STARD13: variants seen among roughly 807,000 people sequenced by gnomAD.
STARD13 encodes the protein stAR-related lipid transfer protein 13.
A neutral mutation model predicts 106.4 loss-of-function variants in STARD13; 62 were observed. That is an observed-to-expected ratio of 0.58 (90% CI 0.48 to 0.72). The LOEUF (loss-of-function observed/expected upper bound fraction) is 0.72. STARD13 is among the 30% of genes least tolerant of loss of function. The probability of loss-of-function intolerance (pLI) is 0.00; values close to 1 mark genes in which losing one functional copy is unlikely to be tolerated. For missense variants in STARD13, 1,387 were observed against 1,424.0 expected (o/e 0.97, Z 0.42); for synonymous variants, 565 against 553.0 (o/e 1.02, Z -0.31).
chr13:33,328,151 A>C (rs116797736), intron 1 of STARD13, among the ~76,000 whole-genome samples: 56 of 152,342 alleles, frequency 3.7e-4, no homozygotes, highest in African/African-American at 1.3e-3. Flanking sequence ...CAATGATAAC[A>C]ATTTCCATCT....
chr13:33,457,044 CAG>C, the STARD13 span, among the ~76,000 whole-genome samples: 2 of 152,212 alleles, frequency 1.3e-5, no homozygotes, highest in African/African-American at 4.8e-5. Context: ...GATTTGGTGA[CAG>C]AGTGTTTGTG....
chr13:33,147,003 G>A (rs1227763582), intron 3 of STARD13, among the ~76,000 whole-genome samples: 1 of 152,216 alleles, frequency 6.6e-6, no homozygotes, highest in Non-Finnish European at 1.5e-5. Context: ...CATTATCTGA[G>A]CTGTCTGGGA....
At chr13:33,655,193 A>T in the STARD13 span, among the ~76,000 whole-genome samples, 9 of 152,344 alleles carry the variant, frequency 5.9e-5, no homozygotes, top group African/African-American at 2.2e-4. Flanking sequence ...TCTAATGTAG[A>T]TGTTACTCTT....
chr13:33,179,362 G>A (rs1467590336), intron 1 of STARD13, among the ~76,000 whole-genome samples: 1 of 152,184 alleles, frequency 6.6e-6, no homozygotes, highest in Admixed American at 6.5e-5. Flanking sequence ...GGAATAAACA[G>A]GAGTACCTAC....
At chr13:33,189,651 C>G (rs1466841185) in intron 1 of STARD13, among the ~76,000 whole-genome samples, 1 of 151,818 alleles carries the variant, frequency 6.6e-6, no homozygotes, top group African/African-American at 2.4e-5. Context: ...TATGGGTGCC[C>G]TTGCTGTGGG....
the STARD13 span, among the ~76,000 whole-genome samples, chr13:33,619,006 A>C: frequency 6.6e-6 from 1 of 152,012 alleles, no homozygotes; most frequent in Non-Finnish European, 1.5e-5. Context: ...GAGTCCTAAA[A>C]GAAAGTGATT....
In STARD13 at chr13:33,142,412, T is replaced by C. The variant is rs928445809; in HGVS notation, c.324-39A>G. On this transcript the variant is annotated intron_variant, in intron 3 of 13. Coordinates refer to ENST00000336934, the MANE Select transcript of STARD13 (RefSeq NM_178006.4). ...AAAATGTGATGATTACTTTCACTAATGAATTTAAATCTCTCCAGTTTGATA... is the reference window on the plus strand; with the variant it reads ...AAAATGTGATGATTACTTTCACTAACGAATTTAAATCTCTCCAGTTTGATA... 2.6e-6 allele frequency: 4 copies of C among 1,538,606 alleles called. No individual in the cohort carries two copies. The African/African-American group carries it at 5.4e-5, about 21-fold the overall frequency.
At chr13:33,660,318 T>C in the STARD13 span, among the ~76,000 whole-genome samples, 1 of 152,230 alleles carries the variant, frequency 6.6e-6, no homozygotes, top group Non-Finnish European at 1.5e-5. Context: ...AAAAAGATAT[T>C]TCCATCAGTT....
chr13:33,158,303 C>T (rs961106), intron 3 of STARD13, among the ~76,000 whole-genome samples: 64,830 of 152,108 alleles, frequency 0.43, 17,319 homozygotes, highest in Non-Finnish European at 0.58. Flanking sequence ...TACATATTTC[C>T]AAACCAATCA....
intron 1 of STARD13, among the ~76,000 whole-genome samples, chr13:33,179,368 C>T (rs1430315752): frequency 6.6e-6 from 1 of 152,134 alleles, no homozygotes; most frequent in African/African-American, 2.4e-5. Flanking sequence ...AACAGGAGTA[C>T]CTACCTCAGA....
At chr13:33,196,854 A>C (rs1193245921) in intron 1 of STARD13, among the ~76,000 whole-genome samples, 1 of 152,224 alleles carries the variant, frequency 6.6e-6, no homozygotes, top group African/African-American at 2.4e-5. Flanking sequence ...TTAGACCAGA[A>C]AAGAAGCCAA....
the STARD13 span, among the ~76,000 whole-genome samples, chr13:33,506,080 C>T: frequency 4.6e-5 from 7 of 152,016 alleles, no homozygotes; most frequent in African/African-American, 9.7e-5. Context: ...ATGCACTTGT[C>T]GGGGAAAAAT....
chr13:33,267,347 G>T (rs1184079063), intron 1 of STARD13, among the ~76,000 whole-genome samples: 1 of 152,122 alleles, frequency 6.6e-6, no homozygotes, highest in African/African-American at 2.4e-5. Context: ...CTGACCAAGG[G>T]ATAGAAGCTG....
At chr13:33,206,376 C>A (rs1435922211) in intron 1 of STARD13, among the ~76,000 whole-genome samples, 6 of 151,770 alleles carry the variant, frequency 4.0e-5, no homozygotes, top group Non-Finnish European at 7.4e-5. Flanking sequence ...AACACACACA[C>A]ACACACACAC....
intron 1 of STARD13, among the ~76,000 whole-genome samples, chr13:33,202,923 A>C (rs568386826): frequency 1.3e-5 from 2 of 152,340 alleles, no homozygotes; most frequent in Admixed American, 1.3e-4. Context: ...AAAAGAGCTA[A>C]GAGAAGCCTT....
the STARD13 span, among the ~76,000 whole-genome samples, chr13:33,455,374 G>A: frequency 6.6e-6 from 1 of 152,184 alleles, no homozygotes; most frequent in Admixed American, 6.5e-5. Flanking sequence ...TAACACAAAA[G>A]GAAGTCAGGG....
the STARD13 span, among the ~76,000 whole-genome samples, chr13:33,599,589 C>T: frequency 1.3e-5 from 2 of 151,992 alleles, no homozygotes; most frequent in South Asian, 4.1e-4. Flanking sequence ...AATTACCGTG[C>T]CTGCCAACAG....
intron 1 of STARD13, among the ~76,000 whole-genome samples, chr13:33,227,913 CA>C (rs1888706298): frequency 6.6e-6 from 1 of 152,128 alleles, no homozygotes. Flanking sequence ...GTGAGAAGCT[CA>C]AAGCCCATCA....
At chr13:33,523,283 G>A in the STARD13 span, among the ~76,000 whole-genome samples, 2 of 152,226 alleles carry the variant, frequency 1.3e-5, no homozygotes, top group East Asian at 1.9e-4. Context: ...AGATCTTGCT[G>A]AGCCACCAAC....
Sources: allele counts gnomAD v4.1 joint callset (sites outside exome capture counted in the v4.1 genomes callset), GRCh38; gene constraint gnomAD v4.1.1; transcripts MANE v1.5; gene names NCBI Gene and HGNC (gene_info 2026-07-23, HGNC 2026-07-21).